The following MECOM variants were observed in gnomAD, a reference collection of about 807,000 sequenced individuals.
MECOM encodes the protein histone-lysine N-methyltransferase MECOM.
MECOM carries 13 observed loss-of-function variants against 116.3 expected under a neutral mutation model. The ratio of observed to expected loss-of-function variants is 0.11; its 90% CI spans 0.07 to 0.18. The LOEUF (loss-of-function observed/expected upper bound fraction) is 0.18. MECOM is among the 10% of genes least tolerant of loss of function. MECOM has a pLI of 1.00. For missense variants in MECOM, 1,299 were observed against 1,509.0 expected, an observed-to-expected ratio of 0.86 and a Z score of 2.31; for synonymous variants, 528 against 535.2, an observed-to-expected ratio of 0.99 and a Z score of 0.19.
intron 2 of MECOM, among the ~76,000 whole-genome samples, chr3:169,281,378 G>A (rs930074209): frequency 3.3e-5 from 5 of 152,170 alleles, no homozygotes; most frequent in African/African-American, 9.6e-5. Flanking sequence ...CTGATTGGCT[G>A]TAAGAGTGAG....
intron 2 of MECOM, among the ~76,000 whole-genome samples, chr3:169,277,390 T>C (rs1275317413): frequency 2.0e-5 from 3 of 152,216 alleles, no homozygotes; most frequent in Admixed American, 1.3e-4. Context: ...GCATAAACTG[T>C]CTCATCAGGT....
Position 169,410,453 on chromosome 3 carries a change from C to T in MECOM, c.38-28929G>A, listed in dbSNP as rs1737365631. On this transcript the variant is annotated intron_variant, in intron 1 of 16. Coordinates refer to ENST00000651503, the MANE Select transcript of MECOM (RefSeq NM_004991.4). ...CAAGACCTGTCTTCACTTATTGTGTCCTTTGTACCCTGATGCCTTCTTATA... is the reference window on the plus strand; with the variant it reads ...CAAGACCTGTCTTCACTTATTGTGTTCTTTGTACCCTGATGCCTTCTTATA... Among the ~76,000 whole-genome samples the T allele has an allele frequency of 2.0e-5, 3 of 152,150 alleles. No homozygotes were observed. The South Asian group carries it at 6.2e-4, about 32-fold the overall frequency.
At chr3:169,100,626 C>T (rs1397753169) in intron 12 of MECOM, among the ~76,000 whole-genome samples, 3 of 152,046 alleles carry the variant, frequency 2.0e-5, no homozygotes, top group Admixed American at 6.5e-5. Flanking sequence ...TTCTTAAGTA[C>T]TTATTCTGTC....
chr3:169,457,681 T>C (rs563110378), intron 1 of MECOM, among the ~76,000 whole-genome samples: 1 of 152,346 alleles, frequency 6.6e-6, no homozygotes, highest in South Asian at 2.1e-4. Flanking sequence ...GTTTGAATAA[T>C]AGATATTCCC....
intron 1 of MECOM, among the ~76,000 whole-genome samples, chr3:169,513,242 A>G (rs865931961): frequency 9.2e-5 from 14 of 152,244 alleles, no homozygotes; most frequent in Non-Finnish European, 1.8e-4. Context: ...GTTTAAATAG[A>G]TGTATTACTG....
intron 1 of MECOM, among the ~76,000 whole-genome samples, chr3:169,634,887 G>A (rs953145844): frequency 8.6e-5 from 13 of 151,928 alleles, no homozygotes; most frequent in African/African-American, 2.9e-4. Context: ...AAGTAAACAC[G>A]GCTTCTTAAT....
At chr3:169,603,175 G>A (rs1768029227) in intron 1 of MECOM, among the ~76,000 whole-genome samples, 1 of 152,180 alleles carries the variant, frequency 6.6e-6, no homozygotes, top group African/African-American at 2.4e-5. Flanking sequence ...AAAAATGTCT[G>A]TCACTTAAGT....
In MECOM at chr3:169,143,710, C is replaced by T. The variant is rs756339682; in HGVS notation, c.498G>A (p.Gln166=). 7.5e-6 allele frequency: 12 copies of T among 1,598,866 alleles called. No individual in the cohort carries two copies. Among genetic ancestry groups the T allele is most frequent in the Non-Finnish European group, 1.0e-5 (12 of 1,172,898 alleles). The change falls in exon 3 of 17, where the codon CAG becomes CAA. Residue 166 remains glutamine, a synonymous_variant. Transcript: ENST00000651503. The part of the protein sequence containing the change: ...CYDQHNLVAC[Q]INDQIFYRVV... ...CTTTACAACATACCTGATCATTTATCTGGCATGCAACAAGGTTGTGCTGAT... is the reference window on the plus strand; with the variant it reads ...CTTTACAACATACCTGATCATTTATTTGGCATGCAACAAGGTTGTGCTGAT...
chr3:169,613,888 C>G (rs1350503892), intron 1 of MECOM: 1 of 152,172 alleles, frequency 6.6e-6, no homozygotes, highest in Non-Finnish European at 1.5e-5. Flanking sequence ...GAACTAGGCT[C>G]AGTCTTAGCC....
intron 2 of MECOM, among the ~76,000 whole-genome samples, chr3:169,305,851 TC>T (rs1230450312): frequency 2.6e-5 from 4 of 152,098 alleles, no homozygotes; most frequent in Non-Finnish European, 4.4e-5. Flanking sequence ...TTTTTTTTTT[TC>T]CCCTTCCCAA....
chr3:169,143,276 T>G lies in MECOM; in HGVS notation c.510+422A>C, dbSNP rs74826848. ...ATTAGATAAGATAACACTGATACTA[T>G]GCATATACATTTCAAATAAAACCTA... On this transcript the variant is annotated intron_variant, in intron 3 of 16. Transcript: ENST00000651503. 0.012 allele frequency among the ~76,000 whole-genome samples: 1,879 copies of G among 152,220 alleles called. 86 individuals carry two copies. In the East Asian group the frequency reaches 0.14, roughly 11 times the overall value.
intron 4 of MECOM, among the ~76,000 whole-genome samples, chr3:169,128,369 A>G (rs578009195): frequency 1.3e-5 from 2 of 152,292 alleles, no homozygotes; most frequent in Admixed American, 1.3e-4. Context: ...TATTTTCTCA[A>G]CCCTGTATGT....
chr3:169,609,028 A>G (rs1004048022), intron 1 of MECOM, among the ~76,000 whole-genome samples: 2 of 152,176 alleles, frequency 1.3e-5, no homozygotes, highest in African/African-American at 4.8e-5. Context: ...AGTTCATGTG[A>G]TGAGAAGATA....
chr3:169,599,322 T>C (rs1177199243), intron 1 of MECOM, among the ~76,000 whole-genome samples: 4 of 152,112 alleles, frequency 2.6e-5, no homozygotes, highest in Admixed American at 6.5e-5. Context: ...AAAACCATTC[T>C]GGCCAACATG....
In MECOM at chr3:169,289,313, T is replaced by C. The variant is rs80012626; in HGVS notation, c.375+91874A>G. Among the ~76,000 whole-genome samples the C allele has an allele frequency of 2.8e-3, 428 of 152,298 alleles. 1 individual carries two copies. Among genetic ancestry groups the C allele is most frequent in the African/African-American group, 9.7e-3 (402 of 41,578 alleles). The stretch of plus-strand genomic sequence containing the variant: ...AGAACCTCCTCGTGGATTGTTCTGC[T>C]CACTAACCTGTAATTATATTGTCAA... On this transcript the variant is annotated intron_variant, in intron 2 of 16. Transcript: ENST00000651503.
intron 2 of MECOM, among the ~76,000 whole-genome samples, chr3:169,191,944 G>C (rs1479175469): frequency 6.6e-6 from 1 of 152,012 alleles, no homozygotes; most frequent in Non-Finnish European, 1.5e-5. Flanking sequence ...GTGTATCGGA[G>C]ATACTGAACA....
chr3:169,249,881 A>G (rs951350169), intron 2 of MECOM, among the ~76,000 whole-genome samples: 9 of 152,236 alleles, frequency 5.9e-5, no homozygotes, highest in African/African-American at 2.2e-4. Context: ...CTCCTCTGCT[A>G]TAATTGAAAG....
chr3:169,461,718 T>C (rs1389594006), intron 1 of MECOM, among the ~76,000 whole-genome samples: 1 of 152,168 alleles, frequency 6.6e-6, no homozygotes, highest in Non-Finnish European at 1.5e-5. Context: ...TAATCACAGC[T>C]GCCTGTGTGT....
intron 1 of MECOM, among the ~76,000 whole-genome samples, chr3:169,577,400 ACT>A (rs1433000098): frequency 6.6e-6 from 1 of 152,038 alleles, no homozygotes; most frequent in Non-Finnish European, 1.5e-5. Context: ...TAGCCATCTA[ACT>A]CTCTTCATTC....
Sources: allele counts gnomAD v4.1 joint callset (sites outside exome capture counted in the v4.1 genomes callset), GRCh38; gene constraint gnomAD v4.1.1; transcripts MANE v1.5; gene names NCBI Gene and HGNC (gene_info 2026-07-23, HGNC 2026-07-21).